The following SGIP1 variants were observed in gnomAD, a reference collection of about 807,000 sequenced individuals.
The protein encoded by SGIP1 is SH3-containing GRB2-like protein 3-interacting protein 1.
In SGIP1, 38 loss-of-function variants were observed where a neutral mutation model predicts 107.5. The observed-to-expected ratio is 0.35, with a 90% CI of 0.27 to 0.46. The LOEUF (loss-of-function observed/expected upper bound fraction) is 0.46. SGIP1 is among the 20% of genes least tolerant of loss of function. SGIP1 has a pLI of 1.00. For missense variants in SGIP1, 929 were observed against 1,019.5 expected, an observed-to-expected ratio of 0.91 and a Z score of 1.21; for synonymous variants, 365 against 366.1, an observed-to-expected ratio of 1.00 and a Z score of 0.03.
intron 9 of SGIP1, among the ~76,000 whole-genome samples, chr1:66,669,980 C>A (rs2083405061): frequency 6.6e-6 from 1 of 152,154 alleles, no homozygotes; most frequent in South Asian, 2.1e-4. Context: ...CAGATTGAGC[C>A]TTCACTAAAA....
At chr1:66,686,166 A>G (rs1011399515) in intron 15 of SGIP1, among the ~76,000 whole-genome samples, 4 of 152,250 alleles carry the variant, frequency 2.6e-5, no homozygotes, top group Non-Finnish European at 4.4e-5. Context: ...GAGCCAGGTT[A>G]TGGTCCCAGA....
chr1:66,616,011 A>G (rs181063490), intron 1 of SGIP1: 2 of 152,354 alleles, frequency 1.3e-5, no homozygotes, highest in African/African-American at 2.4e-5. Flanking sequence ...CTTTCAGATC[A>G]CAATGGAAAG....
intron 1 of SGIP1, among the ~76,000 whole-genome samples, chr1:66,583,063 T>C (rs2148766424): frequency 6.6e-6 from 1 of 152,212 alleles, no homozygotes; most frequent in East Asian, 1.9e-4. Flanking sequence ...CATCAATTGA[T>C]TGATAAATAT....
At chr1:66,662,753 G>C (rs940760077) in intron 8 of SGIP1, among the ~76,000 whole-genome samples, 7 of 152,048 alleles carry the variant, frequency 4.6e-5, no homozygotes, top group Non-Finnish European at 1.0e-4. Context: ...AAAAGTAGAA[G>C]GGAAAATAAA....
At chr1:66,591,156 T>C (rs1484447974) in intron 1 of SGIP1, among the ~76,000 whole-genome samples, 1 of 152,212 alleles carries the variant, frequency 6.6e-6, no homozygotes, top group Non-Finnish European at 1.5e-5. Flanking sequence ...TCTCTGACCC[T>C]TCCCTCTATC....
At chr1:66,566,202 A>C (rs2059618041) in intron 1 of SGIP1, among the ~76,000 whole-genome samples, 1 of 151,982 alleles carries the variant, frequency 6.6e-6, no homozygotes, top group Non-Finnish European at 1.5e-5. Flanking sequence ...TAAACAACCC[A>C]CCTCAACACA....
At chr1:66,541,484 A>C (rs546439311) in intron 1 of SGIP1, among the ~76,000 whole-genome samples, 1 of 152,226 alleles carries the variant, frequency 6.6e-6, no homozygotes, top group South Asian at 2.1e-4. Flanking sequence ...TCCAAGCCCA[A>C]AGTTACAGCT....
At chr1:66,630,031 T>C (rs75600794) in intron 2 of SGIP1, among the ~76,000 whole-genome samples, 2,569 of 152,236 alleles carry the variant, frequency 0.017, 70 homozygotes, top group African/African-American at 0.056. Context: ...GAAATCGACA[T>C]TGGTTGATCC....
At chr1:66,566,733 G>A (rs776875274) in intron 1 of SGIP1, among the ~76,000 whole-genome samples, 3 of 151,818 alleles carry the variant, frequency 2.0e-5, no homozygotes, top group African/African-American at 2.4e-5. Flanking sequence ...TGGCATACAC[G>A]TGCAGAAAGT....
Position 66,740,704 on chromosome 1 carries a change from C to G in SGIP1, c.2281C>G (p.Gln761Glu). The G allele has an allele frequency of 6.2e-7, 1 of 1,605,988 alleles. No homozygotes were observed. Among genetic ancestry groups the G allele is most frequent in the South Asian group, 1.1e-5 (1 of 90,364 alleles). ...RILWKIPDISQKSENGGVGSL... is the reference protein window; with the variant it reads ...RILWKIPDISEKSENGGVGSL... ...ATTGTGGAAGATTCCTGATATCTCT[C>G]AGAAGTCAGAAAATGGAGGTAATGG... The change falls in exon 23 of 25, where the codon CAG (glutamine) becomes GAG (glutamate). Residue 761 changes from glutamine to glutamate, a missense_variant. Transcript: ENST00000371037.
chr1:66,589,505 C>A (rs540480081), intron 1 of SGIP1, among the ~76,000 whole-genome samples: 4 of 152,012 alleles, frequency 2.6e-5, no homozygotes, highest in African/African-American at 9.7e-5. Flanking sequence ...CCATAAATTC[C>A]AGAAGAATGG....
chr1:66,540,808 T>A (rs1265082768), intron 1 of SGIP1, among the ~76,000 whole-genome samples: 1 of 152,212 alleles, frequency 6.6e-6, no homozygotes, highest in Non-Finnish European at 1.5e-5. Context: ...ACTGCCTGGC[T>A]GTATGCCATG....
intron 1 of SGIP1, among the ~76,000 whole-genome samples, chr1:66,557,491 C>T (rs2058352232): frequency 6.6e-6 from 1 of 152,010 alleles, no homozygotes; most frequent in East Asian, 1.9e-4. Context: ...ACATTAAACT[C>T]GGATTTCTCT....
At chr1:66,727,510 C>T (rs1211933638) in intron 19 of SGIP1, among the ~76,000 whole-genome samples, 1 of 152,192 alleles carries the variant, frequency 6.6e-6, no homozygotes, top group Admixed American at 6.5e-5. Flanking sequence ...ATTATGTGAG[C>T]TAGTGACTCT....
chr1:66,536,378 T>C (rs577002927), intron 1 of SGIP1, among the ~76,000 whole-genome samples: 2 of 152,230 alleles, frequency 1.3e-5, no homozygotes, highest in Non-Finnish European at 2.9e-5. Context: ...CCTACTTAAA[T>C]GTTTTTAAGC....
intron 18 of SGIP1, among the ~76,000 whole-genome samples, chr1:66,716,720 A>G (rs502690): frequency 1.3e-5 from 2 of 151,936 alleles, no homozygotes; most frequent in Non-Finnish European, 2.9e-5. Context: ...AAAATGATGT[A>G]TATATGTGTG....
At chr1:66,733,090 T>C (rs1163626000) in intron 20 of SGIP1, among the ~76,000 whole-genome samples, 2 of 152,224 alleles carry the variant, frequency 1.3e-5, no homozygotes, top group African/African-American at 4.8e-5. Context: ...CATAGGGATA[T>C]AAAACTTCTT....
intron 18 of SGIP1, among the ~76,000 whole-genome samples, chr1:66,696,038 C>T (rs768288188): frequency 3.3e-5 from 5 of 152,138 alleles, no homozygotes; most frequent in African/African-American, 7.2e-5. Context: ...GTTTGTTCTG[C>T]GTCTCCTGAA....
chr1:66,717,975 C>G (rs1044932345), intron 18 of SGIP1, among the ~76,000 whole-genome samples: 7 of 152,034 alleles, frequency 4.6e-5, no homozygotes, highest in African/African-American at 1.7e-4. Context: ...TACCATAATA[C>G]CTGATACATA....
Sources: allele counts gnomAD v4.1 joint callset (sites outside exome capture counted in the v4.1 genomes callset), GRCh38; gene constraint gnomAD v4.1.1; transcripts MANE v1.5; gene names NCBI Gene and HGNC (gene_info 2026-07-23, HGNC 2026-07-21).